Variants in CSMD3 observed in about 807,000 individuals in gnomAD.
The protein encoded by CSMD3 is CUB and Sushi multiple domains 3, also known as CUB and sushi domain-containing protein 3.
CSMD3 carries 177 observed loss-of-function variants against 435.2 expected under a neutral mutation model. The observed-to-expected ratio is 0.41, with a 90% CI of 0.36 to 0.46. The LOEUF (loss-of-function observed/expected upper bound fraction) is 0.46. Among genes scored for constraint, CSMD3 ranks in the 20% least tolerant of loss-of-function variants. CSMD3 has a pLI of 0.34. For missense variants in CSMD3, 4,265 were observed against 4,504.6 expected (o/e 0.95, Z 1.52); for synonymous variants, 1,656 against 1,520.5 (o/e 1.09, Z -2.07).
chr8:113,337,745 G>A (rs1363309230), intron 1 of CSMD3, among the ~76,000 whole-genome samples: 1 of 151,872 alleles, frequency 6.6e-6, no homozygotes, highest in African/African-American at 2.4e-5. Context: ...CTTTGAGTTA[G>A]GAGAAATAAG....
At chr8:113,192,127 A>G (rs2092595232) in intron 3 of CSMD3, among the ~76,000 whole-genome samples, 1 of 151,294 alleles carries the variant, frequency 6.6e-6, no homozygotes, top group Non-Finnish European at 1.5e-5. Flanking sequence ...TTCCTGAGAG[A>G]TTTGGATATT....
At chr8:113,008,335 C>T (rs1197060133) in intron 6 of CSMD3, among the ~76,000 whole-genome samples, 4 of 151,868 alleles carry the variant, frequency 2.6e-5, no homozygotes, top group African/African-American at 9.6e-5. Flanking sequence ...AAAAATGACA[C>T]TGTATCATGT....
intron 4 of CSMD3, among the ~76,000 whole-genome samples, chr8:113,100,791 T>C (rs2090306019): frequency 6.6e-6 from 1 of 152,152 alleles, no homozygotes; most frequent in Non-Finnish European, 1.5e-5. Context: ...ATGATTTAAC[T>C]TAAAAAATCA....
At chr8:113,078,181 T>C (rs1406358585) in intron 5 of CSMD3, among the ~76,000 whole-genome samples, 1 of 152,198 alleles carries the variant, frequency 6.6e-6, no homozygotes, top group Non-Finnish European at 1.5e-5. Flanking sequence ...TTATGCAGAC[T>C]ATCATATTAT....
At chr8:112,594,210 C>T (rs1275884997) in intron 22 of CSMD3, among the ~76,000 whole-genome samples, 1 of 152,130 alleles carries the variant, frequency 6.6e-6, no homozygotes, top group Non-Finnish European at 1.5e-5. Context: ...ACTTGGGAAG[C>T]CCAAGGGGTC....
chr8:113,157,495 C>T (rs374655026), intron 4 of CSMD3, among the ~76,000 whole-genome samples: 3 of 132,994 alleles, frequency 2.3e-5, no homozygotes, highest in Non-Finnish European at 5.4e-5. Context: ...CTGTGTGCTA[C>T]AATATGTTAG....
intron 10 of CSMD3, among the ~76,000 whole-genome samples, chr8:112,862,905 T>A (rs1318768669): frequency 6.6e-6 from 1 of 152,112 alleles, no homozygotes; most frequent in Non-Finnish European, 1.5e-5. Flanking sequence ...AAAATAATAG[T>A]ATCAATCATT....
intron 1 of CSMD3, among the ~76,000 whole-genome samples, chr8:113,320,041 A>G (rs1262809219): frequency 6.6e-6 from 1 of 152,068 alleles, no homozygotes; most frequent in Non-Finnish European, 1.5e-5. Flanking sequence ...CTGACAATCT[A>G]AAACATGAGA....
chr8:113,312,609 G>A (rs1480175120), intron 2 of CSMD3: 1 of 152,148 alleles, frequency 6.6e-6, no homozygotes, highest in Admixed American at 6.5e-5. Context: ...ATAGGTACAT[G>A]TACAAGCATT....
intron 30 of CSMD3, among the ~76,000 whole-genome samples, chr8:112,499,203 C>T (rs1353405466): frequency 4.0e-5 from 6 of 150,828 alleles, no homozygotes; most frequent in Non-Finnish European, 5.9e-5. Context: ...AAATATGAAG[C>T]AAAAAATAAA....
Position 112,492,479 on chromosome 8 carries a change from T to G in CSMD3, c.5278+10A>C, listed in dbSNP as rs376632362. 21 of 1,611,106 alleles carry G rather than the reference T, an allele frequency of 1.3e-5. No individual in the cohort carries two copies. The African/African-American group carries it at 2.3e-4, about 17-fold the overall frequency. The stretch of plus-strand genomic sequence containing the variant: ...ATCATGAAAATTCAGCCAAAAAATA[T>G]GTTCCTTACCATGACAACTTGGCAA... On this transcript the variant is annotated intron_variant, in intron 31 of 70. Transcript: ENST00000297405.
intron 24 of CSMD3, among the ~76,000 whole-genome samples, chr8:112,570,738 C>G (rs1475397183): frequency 6.6e-6 from 1 of 152,058 alleles, no homozygotes; most frequent in Non-Finnish European, 1.5e-5. Context: ...TTTCTAAAGC[C>G]CTTTCCGAGA....
At chr8:113,140,214 G>A (rs1470997700) in intron 4 of CSMD3, among the ~76,000 whole-genome samples, 1 of 150,866 alleles carries the variant, frequency 6.6e-6, no homozygotes, top group African/African-American at 2.4e-5. Flanking sequence ...AATCTTAAAT[G>A]TGTATGCACC....
At chr8:112,528,980 TTGA>T (rs1825259705) in intron 27 of CSMD3, among the ~76,000 whole-genome samples, 2 of 151,872 alleles carry the variant, frequency 1.3e-5, no homozygotes, top group Non-Finnish European at 2.9e-5. Context: ...CTAGGGGCAA[TTGA>T]TGCCCCTAGC....
intron 22 of CSMD3, among the ~76,000 whole-genome samples, chr8:112,589,382 G>T (rs1830987356): frequency 6.6e-6 from 1 of 152,074 alleles, no homozygotes; most frequent in Non-Finnish European, 1.5e-5. Context: ...TGTGAATAAA[G>T]AAAATTACCA....
Position 112,390,708 on chromosome 8 carries a change from T to A in CSMD3, c.5890A>T (p.Asn1964Tyr). 6.2e-7 allele frequency: 1 copy of A among 1,613,320 alleles called. No homozygotes were observed. Among genetic ancestry groups the A allele is most frequent in the Non-Finnish European group, 8.5e-7 (1 of 1,179,274 alleles). ...GYPEPYDNNL[N>Y]CVWKITVPEG... ...GGCACTGTGATCTTCCACACACAAT[T>A]CAGATTGTTGTCATAAGGCTCAGGG... Residue 1964 changes from asparagine (N) to tyrosine (Y), a missense_variant, in exon 36 of 71, where the codon AAT becomes TAT. By Grantham distance (143) the Asn-to-Tyr change is moderately radical. Coordinates refer to ENST00000297405, the MANE Select transcript of CSMD3 (RefSeq NM_198123.2).
At chr8:113,331,710 T>C (rs1311263850) in intron 1 of CSMD3, among the ~76,000 whole-genome samples, 1 of 151,650 alleles carries the variant, frequency 6.6e-6, no homozygotes, top group African/African-American at 2.4e-5. Context: ...AAAGAATATA[T>C]ATTTTACAAA....
chr8:112,838,055 T>G (rs2080078837), intron 11 of CSMD3, among the ~76,000 whole-genome samples: 1 of 151,570 alleles, frequency 6.6e-6, no homozygotes, highest in Non-Finnish European at 1.5e-5. Flanking sequence ...TTGATTGCTT[T>G]GGGATATAGA....
chr8:113,064,553 G>A (rs1188281749), intron 5 of CSMD3, among the ~76,000 whole-genome samples: 1 of 152,012 alleles, frequency 6.6e-6, no homozygotes, highest in African/African-American at 2.4e-5. Flanking sequence ...TAACAAAAAC[G>A]AAAATAATAC....
Sources: gnomAD v4.1 joint callset for allele counts (sites outside exome capture counted in the v4.1 genomes callset) on GRCh38, gnomAD v4.1.1 for gene constraint, MANE v1.5 for transcripts, NCBI Gene and HGNC (gene_info 2026-07-23, HGNC 2026-07-21) for gene names.